Variants in LRTM3 observed in about 807,000 individuals in gnomAD.
LRTM3 encodes the protein leucine rich repeat transmembrane protein 3, also known as leucine-rich repeat transmembrane protein 3.
the LRTM3 span, chr13:102,749,194 A>G: frequency 3.9e-6 from 6 of 1,550,634 alleles, no homozygotes; most frequent in Middle Eastern, 1.7e-4. Flanking sequence ...ATACTTGTGA[A>G]GTTGGTGTTT....
At chr13:102,740,078 A>G in the LRTM3 span, 1 of 1,549,978 alleles carries the variant, frequency 6.5e-7, no homozygotes, top group Non-Finnish European at 8.7e-7. Context: ...AAGAGAATGT[A>G]ATGTTATAGG....
the LRTM3 span, chr13:102,733,506 C>G: frequency 1.3e-6 from 2 of 1,551,342 alleles, no homozygotes; most frequent in Non-Finnish European, 1.7e-6. Flanking sequence ...ATCAGTGAAA[C>G]TGAAGCCTTA....
At chr13:102,739,127 G>C in the LRTM3 span, 3 of 1,550,350 alleles carry the variant, frequency 1.9e-6, no homozygotes, top group Non-Finnish European at 2.6e-6. Flanking sequence ...AGAAAGAATA[G>C]AAGCACAGAG....
chr13:102,748,539 G>C, the LRTM3 span: 1 of 1,550,688 alleles, frequency 6.4e-7, no homozygotes, highest in Non-Finnish European at 8.7e-7. Flanking sequence ...TCTGAACTTT[G>C]TAGGTCCTCC....
the LRTM3 span, chr13:102,747,978 A>T: frequency 1.3e-6 from 2 of 1,551,022 alleles, no homozygotes; most frequent in South Asian, 2.4e-5. Flanking sequence ...TTTCTATCAC[A>T]TTGTTGTGGC....
At chr13:102,729,817 G>A in the LRTM3 span, 5 of 1,551,776 alleles carry the variant, frequency 3.2e-6, no homozygotes, top group South Asian at 2.4e-5. Flanking sequence ...AACTGTAATC[G>A]TGGTCCCAAT....
At chr13:102,750,280 AC>A in the LRTM3 span, 7 of 1,550,300 alleles carry the variant, frequency 4.5e-6, no homozygotes, top group Non-Finnish European at 6.1e-6. Flanking sequence ...TTTCACTAGT[AC>A]CTGACCATAG....
At chr13:102,741,843 G>A in the LRTM3 span, 1 of 1,550,214 alleles carries the variant, frequency 6.5e-7, no homozygotes, top group South Asian at 1.2e-5. Context: ...CTAATTCGTG[G>A]GGCATCGAAA....
the LRTM3 span, chr13:102,736,509 C>T: frequency 3.2e-6 from 5 of 1,550,958 alleles, no homozygotes; most frequent in South Asian, 1.2e-5. Context: ...GGCAATGATT[C>T]CTGGATCTCA....
chr13:102,745,638 G>A, the LRTM3 span: 2 of 1,551,024 alleles, frequency 1.3e-6, no homozygotes, highest in East Asian at 2.4e-5. Flanking sequence ...GTCGTTTTAG[G>A]TGTAGATAAA....
At chr13:102,731,790 T>C in the LRTM3 span, 1 of 1,550,888 alleles carries the variant, frequency 6.4e-7, no homozygotes, top group Non-Finnish European at 8.7e-7. Context: ...TTTTGTGTGG[T>C]CATGTCCCAT....
At chr13:102,747,798 T>C in the LRTM3 span, 1 of 1,551,162 alleles carries the variant, frequency 6.4e-7, no homozygotes, top group Non-Finnish European at 8.7e-7. Flanking sequence ...TCCAAAATAG[T>C]TTGTGTAGAA....
chr13:102,757,711 A>G, the LRTM3 span, among the ~76,000 whole-genome samples: 1 of 152,192 alleles, frequency 6.6e-6, no homozygotes, highest in Non-Finnish European at 1.5e-5. Flanking sequence ...GCCATTCCCA[A>G]TGCCCTAGGC....
chr13:102,744,340 G>C, the LRTM3 span: 1 of 1,549,974 alleles, frequency 6.5e-7, no homozygotes, highest in Non-Finnish European at 8.7e-7. Flanking sequence ...CTGTTTGTAA[G>C]TTTTTTTGAT....
the LRTM3 span, chr13:102,738,048 C>A: frequency 6.5e-7 from 1 of 1,550,160 alleles, no homozygotes; most frequent in Non-Finnish European, 8.7e-7. Context: ...CCTCTTCTGT[C>A]CTCTTTCCCT....
the LRTM3 span, chr13:102,741,795 C>T: frequency 6.5e-7 from 1 of 1,550,262 alleles, no homozygotes; most frequent in East Asian, 2.4e-5. Flanking sequence ...TTTTCCTTTG[C>T]TCTTTGTGCA....
the LRTM3 span, chr13:102,736,984 A>G: frequency 1.3e-6 from 2 of 1,550,982 alleles, no homozygotes; most frequent in Non-Finnish European, 1.7e-6. Context: ...GAGATAGAGA[A>G]GGTATTGTCA....
the LRTM3 span, among the ~76,000 whole-genome samples, chr13:102,755,319 G>T: frequency 6.7e-6 from 1 of 149,194 alleles, no homozygotes; most frequent in Non-Finnish European, 1.5e-5. Context: ...GCTTAGCTTC[G>T]GCCAATATAC....
the LRTM3 span, chr13:102,734,068 A>G: frequency 9.4e-5 from 146 of 1,551,338 alleles, no homozygotes; most frequent in Non-Finnish European, 1.2e-4. Context: ...CACATGCTTC[A>G]TCTTTATCTT....
Sources: allele counts gnomAD v4.1 joint callset (sites outside exome capture counted in the v4.1 genomes callset), GRCh38; gene constraint gnomAD v4.1.1; transcripts MANE v1.5; gene names NCBI Gene and HGNC (gene_info 2026-07-23, HGNC 2026-07-21).